USP13: variants seen among roughly 807,000 people sequenced by gnomAD.
USP13 encodes ubiquitin specific peptidase 13.
Under a neutral mutation model 107.8 loss-of-function variants are expected in USP13, and 68 were observed. The ratio of observed to expected loss-of-function variants is 0.63; its 90% CI spans 0.52 to 0.77. USP13 has a LOEUF of 0.77. Among genes scored for constraint, USP13 ranks in the 30% least tolerant of loss-of-function variants. The probability of loss-of-function intolerance (pLI) is 0.00; values close to 1 mark genes in which losing one functional copy is unlikely to be tolerated. For synonymous variants in USP13, 377 were observed against 389.5 expected (o/e 0.97, Z 0.38); for missense variants, 945 against 1,093.3 (o/e 0.86, Z 1.91).
chr3:179,686,973 A>G (rs1373524461), intron 2 of USP13, among the ~76,000 whole-genome samples: 1 of 152,170 alleles, frequency 6.6e-6, no homozygotes, highest in Non-Finnish European at 1.5e-5. Flanking sequence ...GGCATTTCCT[A>G]GGATGCCATT....
intron 13 of USP13, among the ~76,000 whole-genome samples, chr3:179,750,149 CA>C (rs952731169): frequency 4.8e-4 from 73 of 151,592 alleles, no homozygotes; most frequent in Non-Finnish European, 5.5e-4. Flanking sequence ...CCTGTAATCC[CA>C]GCGACTCAGG....
chr3:179,664,462 G>A (rs1720532777), intron 1 of USP13, among the ~76,000 whole-genome samples: 1 of 152,154 alleles, frequency 6.6e-6, no homozygotes, highest in South Asian at 2.1e-4. Flanking sequence ...AAAAGCCAGG[G>A]AAAAGTGTCT....
At chr3:179,712,610 T>G (rs1401807304) in intron 6 of USP13, among the ~76,000 whole-genome samples, 1 of 152,208 alleles carries the variant, frequency 6.6e-6, no homozygotes, top group Non-Finnish European at 1.5e-5. Flanking sequence ...TATTTTATGA[T>G]GGTTTCATAA....
At chr3:179,658,114 C>A (rs1720336619) in intron 1 of USP13, among the ~76,000 whole-genome samples, 1 of 152,120 alleles carries the variant, frequency 6.6e-6, no homozygotes, top group South Asian at 2.1e-4. Context: ...ACCACCACGC[C>A]TGGCTAATTT....
At position 179,742,847 on chromosome 3, in the gene USP13, C is replaced by T. The variant is rs771035634; in HGVS notation, c.1534+497C>T. Among the ~76,000 whole-genome samples the T allele has an allele frequency of 2.6e-5, 4 of 152,088 alleles. No individual in the cohort carries two copies. The highest frequency in any genetic ancestry group is 5.9e-5 in the Non-Finnish European group (4 of 68,032). Reference sequence around the variant, plus strand: ...CAGGGTTCTTTGTAGAAGCAAAGCCCATTAGAAGGGTCTCTGGGCTTTGGA... The same window carrying T: ...CAGGGTTCTTTGTAGAAGCAAAGCCTATTAGAAGGGTCTCTGGGCTTTGGA... On this transcript the variant is annotated intron_variant, in intron 12 of 20. Coordinates refer to ENST00000263966, the MANE Select transcript of USP13 (RefSeq NM_003940.3). This position sits in a 1 kb window ranked among gnomAD's most constrained non-coding sequence, Gnocchi z 5.0.
intron 1 of USP13, among the ~76,000 whole-genome samples, chr3:179,657,882 C>T (rs1001383785): frequency 6.6e-6 from 1 of 151,304 alleles, no homozygotes; most frequent in Non-Finnish European, 1.5e-5. Flanking sequence ...GGAGGGATGT[C>T]TTGGTTCACA....
chr3:179,783,596 T>C (rs1429245026), intron 20 of USP13, among the ~76,000 whole-genome samples: 1 of 152,236 alleles, frequency 6.6e-6, no homozygotes, highest in African/African-American at 2.4e-5. Context: ...TTTGACTCAA[T>C]TTCTCAGGCT....
At chr3:179,728,764 G>C (rs1489719968) in intron 8 of USP13, among the ~76,000 whole-genome samples, 3 of 152,198 alleles carry the variant, frequency 2.0e-5, no homozygotes, top group African/African-American at 7.2e-5. Flanking sequence ...CGGATCACTC[G>C]CGGTTAGGGG....
intron 10 of USP13, among the ~76,000 whole-genome samples, chr3:179,732,146 A>G (rs1713830374): frequency 6.6e-6 from 1 of 152,184 alleles, no homozygotes. Flanking sequence ...GAAGTTCTCA[A>G]GTTGCATTGT....
intron 1 of USP13, among the ~76,000 whole-genome samples, chr3:179,662,138 T>A (rs1294621171): frequency 6.6e-6 from 1 of 152,208 alleles, no homozygotes; most frequent in African/African-American, 2.4e-5. Flanking sequence ...TGACCAAATC[T>A]GGACTGATAC....
chr3:179,745,313 G>A (rs78077539), intron 13 of USP13, 96 bp downstream of exon 13: 2 of 1,435,018 alleles, frequency 1.4e-6, no homozygotes, highest in African/African-American at 1.4e-5. Context: ...ATTTGTGTCT[G>A]TGTGTGTTTG....
At chr3:179,779,628 A>G (rs892424912) in intron 19 of USP13, among the ~76,000 whole-genome samples, 2 of 150,418 alleles carry the variant, frequency 1.3e-5, no homozygotes, top group African/African-American at 4.9e-5. Flanking sequence ...CCGTTGGTAG[A>G]TGACCTGCTT....
chr3:179,671,675 A>C (rs1576913990), intron 1 of USP13, among the ~76,000 whole-genome samples: 2 of 152,288 alleles, frequency 1.3e-5, no homozygotes, highest in East Asian at 3.9e-4. Flanking sequence ...TTATTTGGCA[A>C]ATCTGTTCTT....
rs149957642 is a variant in USP13 at position 179,667,356 on chromosome 3, T to G, written c.168+13963T>G. On this transcript the variant is annotated intron_variant, in intron 1 of 20. Transcript: ENST00000263966. ...GGTTAGCCTGGAAATTCAATCTTCATGTTTATCAGGGGGATTTCATCCTGA... is the reference window on the plus strand; with the variant it reads ...GGTTAGCCTGGAAATTCAATCTTCAGGTTTATCAGGGGGATTTCATCCTGA... Among the ~76,000 whole-genome samples the G allele has an allele frequency of 5.2e-3, 793 of 152,312 alleles. 7 individuals are homozygous for G. The highest frequency in any genetic ancestry group is 0.018 in the African/African-American group (763 of 41,562).
intron 6 of USP13, among the ~76,000 whole-genome samples, chr3:179,711,707 A>C (rs909951164): frequency 6.6e-6 from 1 of 152,194 alleles, no homozygotes; most frequent in Non-Finnish European, 1.5e-5. Context: ...AATAACATGC[A>C]TGGACCTGTC....
At chr3:179,668,882 G>C (rs1244470337) in intron 1 of USP13, among the ~76,000 whole-genome samples, 3 of 152,086 alleles carry the variant, frequency 2.0e-5, no homozygotes, top group African/African-American at 7.2e-5. Context: ...CTTAATTTTT[G>C]CATTTTAAAA....
chr3:179,784,792 C>T lies in USP13; in HGVS notation c.*651C>T, dbSNP rs1474573811. ...GACTTTTACTAGAAAAGTGAGTCCACTAGAAAATCTGTGACAAGTTGGTTT... is the reference window on the plus strand; with the variant it reads ...GACTTTTACTAGAAAAGTGAGTCCATTAGAAAATCTGTGACAAGTTGGTTT... On this transcript the variant is annotated 3_prime_UTR_variant, in exon 21 of 21. Transcript: ENST00000263966. 6.6e-6 allele frequency: 1 copy of T among 152,144 alleles called. No homozygotes were observed. The highest frequency in any genetic ancestry group is 1.5e-5 in the Non-Finnish European group (1 of 68,030). The allele number at this position is 152,144 out of a possible 1,614,324, so 9.4% of individuals were successfully genotyped here. A position where few individuals can be genotyped will look rare whatever the true frequency, so the allele number is the denominator to read the frequency against.
intron 19 of USP13, among the ~76,000 whole-genome samples, chr3:179,777,862 G>A (rs1469997466): frequency 6.6e-6 from 1 of 152,062 alleles, no homozygotes; most frequent in African/African-American, 2.4e-5. Context: ...TAATCCAAAA[G>A]GGCTTAAAAA....
chr3:179,679,242 C>T (rs1711565583), intron 1 of USP13, among the ~76,000 whole-genome samples: 1 of 151,862 alleles, frequency 6.6e-6, no homozygotes, highest in African/African-American at 2.4e-5. Flanking sequence ...AAATTTTAAA[C>T]AAATAAATTT....
Sources: allele counts gnomAD v4.1 joint callset (sites outside exome capture counted in the v4.1 genomes callset), GRCh38; gene constraint gnomAD v4.1.1; non-coding constraint Gnocchi (gnomAD v3.1); transcripts MANE v1.5; gene names NCBI Gene and HGNC (gene_info 2026-07-23, HGNC 2026-07-21).